The following NCK1 variants were observed in gnomAD, a reference collection of about 807,000 sequenced individuals.
NCK1 encodes the protein NCK adaptor protein 1, also known as SH2/SH3 adapter protein NCK1.
A neutral mutation model predicts 36.6 loss-of-function variants in NCK1; 19 were observed. The ratio of observed to expected loss-of-function variants is 0.52; its 90% CI spans 0.36 to 0.76. The LOEUF (loss-of-function observed/expected upper bound fraction) is 0.76. NCK1 is among the 30% of genes least tolerant of loss of function. The pLI is 0.00. For missense variants in NCK1, 358 were observed against 445.6 expected (o/e 0.80, Z 1.77); for synonymous variants, 165 against 156.0 (o/e 1.06, Z -0.43).
chr3:136,893,185 T>TACACAC (rs1560038396), intron 1 of NCK1, among the ~76,000 whole-genome samples: 1 of 19,444 alleles, frequency 5.1e-5, no homozygotes, highest in African/African-American at 1.5e-4. Flanking sequence ...TGTGTATATA[T>TACACAC]ATATATACAC....
At chr3:136,905,419 C>T (rs989783927) in intron 1 of NCK1, among the ~76,000 whole-genome samples, 15 of 151,414 alleles carry the variant, frequency 9.9e-5, no homozygotes, top group Non-Finnish European at 1.5e-4. Context: ...TTTCAGAATT[C>T]TCTTGTATCT....
chr3:136,896,753 G>A (rs1266524638), intron 1 of NCK1, among the ~76,000 whole-genome samples: 3 of 152,016 alleles, frequency 2.0e-5, no homozygotes, highest in South Asian at 2.1e-4. Context: ...CTCCTGCCTC[G>A]GCCTCCCAGA....
Position 136,877,832 on chromosome 3 carries a change from G to A in NCK1, c.-19+15479G>A, listed in dbSNP as rs181385637. ...CAGGTATTTTTGGCAGGGAGGAGGT[G>A]AGGGTGGTGCTAAAAACAGGAGGAT... On this transcript the variant is annotated intron_variant, in intron 1 of 3. Transcript: ENST00000481752. 6.4e-4 allele frequency among the ~76,000 whole-genome samples: 97 copies of A among 152,256 alleles called. 2 individuals carry two copies. The East Asian group carries it at 0.016, about 25-fold the overall frequency.
chr3:136,867,174 TTCCTTCTTTC>T (rs1560028635), intron 1 of NCK1, among the ~76,000 whole-genome samples: 14 of 33,778 alleles, frequency 4.1e-4, no homozygotes, highest in Admixed American at 7.9e-4. Context: ...CCTTCCTTCC[TTCCTTCTTTC>T]TTTCTTTTCT....
In NCK1 at chr3:136,919,658, A is replaced by G. The variant is rs139598839; in HGVS notation, c.-18-8326A>G. On this transcript the variant is annotated intron_variant, in intron 1 of 3. Transcript: ENST00000481752. ...TTCCCAAACTACTTTTATAAATTCTATAGGTATAGCTATATATTAATGACA... is the reference window on the plus strand; with the variant it reads ...TTCCCAAACTACTTTTATAAATTCTGTAGGTATAGCTATATATTAATGACA... Among the ~76,000 whole-genome samples, 638 of 152,300 alleles carry G rather than the reference A, an allele frequency of 4.2e-3. 4 individuals are homozygous for G. Among genetic ancestry groups the G allele is most frequent in the African/African-American group, 0.012 (496 of 41,564 alleles).
chr3:136,881,157 T>C (rs1938921701), intron 1 of NCK1, among the ~76,000 whole-genome samples: 1 of 152,162 alleles, frequency 6.6e-6, no homozygotes, highest in South Asian at 2.1e-4. Flanking sequence ...GTTCTTTATC[T>C]GCATCACCAT....
chr3:136,889,959 G>C (rs895476932), intron 1 of NCK1, among the ~76,000 whole-genome samples: 3 of 152,216 alleles, frequency 2.0e-5, no homozygotes, highest in Middle Eastern at 3.2e-3. Context: ...CCGCACAGGG[G>C]TTGCAGGTGG....
At chr3:136,864,593 G>A (rs1445627505) in intron 1 of NCK1, among the ~76,000 whole-genome samples, 1 of 152,156 alleles carries the variant, frequency 6.6e-6, no homozygotes, top group Non-Finnish European at 1.5e-5. Context: ...CCCAGCACTT[G>A]GGAGGCCAAG....
At chr3:136,883,260 C>T (rs1016120741) in intron 1 of NCK1, among the ~76,000 whole-genome samples, 1 of 152,180 alleles carries the variant, frequency 6.6e-6, no homozygotes, top group Non-Finnish European at 1.5e-5. Context: ...GCCTGTGTCT[C>T]TCCCAACCTC....
chr3:136,897,739 G>A (rs756227489), intron 1 of NCK1, among the ~76,000 whole-genome samples: 15 of 151,818 alleles, frequency 9.9e-5, no homozygotes, highest in Non-Finnish European at 2.1e-4. Context: ...TTATTTTCAC[G>A]TTAACATAGA....
At position 136,949,583 on chromosome 3, in the gene NCK1, AG is replaced by A. The variant is rs1452178962; in HGVS notation, c.*1131del. On this transcript the variant is annotated 3_prime_UTR_variant, in exon 4 of 4. Transcript: ENST00000481752. The stretch of plus-strand genomic sequence containing the variant: ...AGGCCAATCTGCTTCTGTAGGCTAT[AG>A]AAGAAAACCAGTTGTATTTTATGGT... 6.6e-6 allele frequency: 1 copy of A among 152,048 alleles called. No homozygotes were observed. The highest frequency in any genetic ancestry group is 1.5e-5 in the Non-Finnish European group (1 of 67,908). 9.4% of individuals were successfully genotyped at this position (152,048 alleles called of 1,614,324 possible). A position where few individuals can be genotyped will look rare whatever the true frequency, so the allele number is the denominator to read the frequency against.
At chr3:136,938,888 A>G (rs926615962) in intron 2 of NCK1, among the ~76,000 whole-genome samples, 10 of 152,218 alleles carry the variant, frequency 6.6e-5, no homozygotes, top group African/African-American at 2.4e-4. Context: ...GCAAACAATG[A>G]AAATCAACTG....
intron 2 of NCK1, among the ~76,000 whole-genome samples, chr3:136,935,842 C>T (rs3963921): frequency 0.68 from 103,607 of 151,858 alleles, 35,627 homozygotes; most frequent in East Asian, 0.87. Context: ...CAAAAATAGT[C>T]ACTCTCAATC....
chr3:136,940,533 T>C (rs1183581558), intron 2 of NCK1, among the ~76,000 whole-genome samples: 1 of 152,134 alleles, frequency 6.6e-6, no homozygotes, highest in African/African-American at 2.4e-5. Flanking sequence ...TGTCTTTAAG[T>C]CTGTGTTGTG....
chr3:136,886,890 C>T (rs575738638), intron 1 of NCK1, among the ~76,000 whole-genome samples: 1 of 148,716 alleles, frequency 6.7e-6, no homozygotes, highest in Non-Finnish European at 1.5e-5. Flanking sequence ...ATTGCCCAGG[C>T]TGGAATGCAA....
In NCK1 at chr3:136,927,870, T is replaced by C. The variant is rs541568642; in HGVS notation, c.-18-114T>C. The C allele has an allele frequency of 3.2e-5, 25 of 781,034 alleles. No individual in the cohort carries two copies. In the East Asian group the frequency reaches 6.1e-4, roughly 19 times the overall value. 48.4% of individuals were successfully genotyped at this position (781,034 alleles called of 1,614,324 possible). A position where few individuals can be genotyped will look rare whatever the true frequency, so the allele number is the denominator to read the frequency against. Reference sequence around the variant, plus strand: ...TATTTGCCTCATGTATTTTTTTCCATATTTTTTACTTTTCATCTTTATGTC... The same window carrying C: ...TATTTGCCTCATGTATTTTTTTCCACATTTTTTACTTTTCATCTTTATGTC... On this transcript the variant is annotated intron_variant, in intron 1 of 3. Transcript: ENST00000481752.
chr3:136,888,648 G>A (rs905219152), intron 1 of NCK1, among the ~76,000 whole-genome samples: 11 of 151,754 alleles, frequency 7.2e-5, no homozygotes, highest in African/African-American at 2.4e-4. Flanking sequence ...GCGAGCCACC[G>A]CACCCAGCCA....
intron 1 of NCK1, among the ~76,000 whole-genome samples, chr3:136,910,266 G>A (rs556286735): frequency 8.5e-5 from 13 of 152,202 alleles, no homozygotes; most frequent in African/African-American, 3.1e-4. Flanking sequence ...ACATTCTGAA[G>A]ATAAAACACT....
chr3:136,880,272 G>A (rs1159038688), intron 1 of NCK1, among the ~76,000 whole-genome samples: 1 of 151,350 alleles, frequency 6.6e-6, no homozygotes, highest in Non-Finnish European at 1.5e-5. Flanking sequence ...GTGACAGAGC[G>A]AGACTCCGTC....
Sources: allele counts gnomAD v4.1 joint callset (sites outside exome capture counted in the v4.1 genomes callset), GRCh38; gene constraint gnomAD v4.1.1; transcripts MANE v1.5; gene names NCBI Gene and HGNC (gene_info 2026-07-23, HGNC 2026-07-21).